The following VAV3 variants were observed in gnomAD, a reference collection of about 807,000 sequenced individuals.
The protein encoded by VAV3 is vav guanine nucleotide exchange factor 3.
Under a neutral mutation model 131.2 loss-of-function variants are expected in VAV3, and 94 were observed. The observed-to-expected ratio is 0.72, with a 90% confidence interval of 0.61 to 0.85. The LOEUF is 0.85. Among genes scored for constraint, VAV3 ranks in the 40% least tolerant of loss-of-function variants. VAV3 has a pLI of 0.00. For missense variants in VAV3, 939 were observed against 1,002.7 expected (o/e 0.94, Z 0.86); for synonymous variants, 349 against 342.0 (o/e 1.02, Z -0.22).
chr1:107,680,816 AACTGCCG>A (rs1476895269), intron 19 of VAV3, among the ~76,000 whole-genome samples: 4 of 152,174 alleles, frequency 2.6e-5, no homozygotes, highest in Non-Finnish European at 5.9e-5. Context: ...AGAGGAGGCA[AACTGCCG>A]AAGTTCAAAC....
chr1:107,594,201 C>T (rs1207967982), intron 25 of VAV3, among the ~76,000 whole-genome samples: 3 of 152,040 alleles, frequency 2.0e-5, no homozygotes, highest in Admixed American at 2.0e-4. Context: ...CCTGACCACT[C>T]TATATAAAAA....
At chr1:107,728,628 TA>T (rs1662018368) in intron 15 of VAV3, among the ~76,000 whole-genome samples, 1 of 148,470 alleles carries the variant, frequency 6.7e-6, no homozygotes, top group Admixed American at 6.7e-5. Flanking sequence ...TGTATATGTA[TA>T]TGTATATGTA....
intron 15 of VAV3, among the ~76,000 whole-genome samples, chr1:107,748,033 G>A (rs1002467617): frequency 6.7e-6 from 1 of 149,180 alleles, no homozygotes; most frequent in Non-Finnish European, 1.5e-5. Context: ...CTCTTAAAAT[G>A]TTAGATAAAA....
intron 1 of VAV3, among the ~76,000 whole-genome samples, chr1:107,885,262 T>C (rs1267974651): frequency 2.6e-5 from 4 of 152,136 alleles, no homozygotes; most frequent in Admixed American, 1.3e-4. Flanking sequence ...TTTTATTTTT[T>C]ATTTTTATTT....
Position 107,755,398 on chromosome 1 carries a change from G to C in VAV3, c.1173+29C>G, listed in dbSNP as rs1228631929. The stretch of plus-strand genomic sequence containing the variant: ...GAATGTCGTTGATGTGGGGGTGAGG[G>C]GAAGCTGGATGGAAAGATAATTACA... On this transcript the variant is annotated intron_variant, in intron 12 of 26. Coordinates refer to ENST00000370056, the MANE Select transcript of VAV3 (RefSeq NM_006113.5). 4 of 1,508,772 alleles carry C rather than the reference G, an allele frequency of 2.7e-6. No homozygotes were observed. In the Admixed American group the frequency reaches 5.0e-5, roughly 19 times the overall value. The allele number at this position is 1,508,772 out of a possible 1,614,324, so 93.5% of individuals were successfully genotyped here.
intron 2 of VAV3, among the ~76,000 whole-genome samples, chr1:107,812,129 A>C (rs1286688238): frequency 6.6e-6 from 1 of 152,188 alleles, no homozygotes; most frequent in Non-Finnish European, 1.5e-5. Flanking sequence ...CAAAAGTTTA[A>C]AGGGAGACAA....
intron 25 of VAV3, among the ~76,000 whole-genome samples, chr1:107,590,658 T>C (rs1380020584): frequency 6.6e-6 from 1 of 152,204 alleles, no homozygotes; most frequent in Middle Eastern, 3.2e-3. Flanking sequence ...ATCTCTTCTG[T>C]TTCCTGGATT....
intron 15 of VAV3, among the ~76,000 whole-genome samples, chr1:107,705,267 C>T (rs1557777585): frequency 6.6e-6 from 1 of 151,596 alleles, no homozygotes; most frequent in Non-Finnish European, 1.5e-5. Flanking sequence ...GAACAAGCAA[C>T]CTGGAAGGAC....
At chr1:107,787,321 G>C (rs1239994156) in intron 2 of VAV3, among the ~76,000 whole-genome samples, 1 of 152,142 alleles carries the variant, frequency 6.6e-6, no homozygotes, top group East Asian at 1.9e-4. Flanking sequence ...GCAAAATGAG[G>C]ATACAATGCT....
At chr1:107,902,061 A>C (rs1671885125) in intron 1 of VAV3, among the ~76,000 whole-genome samples, 1 of 152,060 alleles carries the variant, frequency 6.6e-6, no homozygotes, top group Non-Finnish European at 1.5e-5. Context: ...AAAACAAAAA[A>C]AACAACAACA....
At chr1:107,824,009 G>C (rs773233887) in intron 2 of VAV3, among the ~76,000 whole-genome samples, 1 of 152,098 alleles carries the variant, frequency 6.6e-6, no homozygotes, top group Non-Finnish European at 1.5e-5. Flanking sequence ...ATTTTGTTAC[G>C]GCAGTCCAAA....
intron 15 of VAV3, among the ~76,000 whole-genome samples, chr1:107,717,850 CCATT>C (rs1361584428): frequency 6.6e-6 from 1 of 151,984 alleles, no homozygotes; most frequent in African/African-American, 2.4e-5. Flanking sequence ...TTAAAGTTTC[CCATT>C]ATTATTGTGT....
At chr1:107,954,863 T>A (rs1674732581) in intron 1 of VAV3, among the ~76,000 whole-genome samples, 2 of 152,128 alleles carry the variant, frequency 1.3e-5, no homozygotes, top group Admixed American at 1.3e-4. Flanking sequence ...AATGTTCTTA[T>A]TCTAAGTTTG....
intron 17 of VAV3, among the ~76,000 whole-genome samples, chr1:107,699,457 A>G (rs1695671921): frequency 6.6e-6 from 1 of 152,180 alleles, no homozygotes; most frequent in Admixed American, 6.5e-5. Flanking sequence ...CAGGCTGGCA[A>G]TGAGTGTCTG....
At chr1:107,917,213 G>A (rs17020361) in intron 1 of VAV3, among the ~76,000 whole-genome samples, 8,690 of 152,106 alleles carry the variant, frequency 0.057, 335 homozygotes, top group African/African-American at 0.11. Flanking sequence ...CTGTACTCAA[G>A]CATCAGCAGC....
At chr1:107,672,422 ATAAGT>A (rs1243724640) in intron 19 of VAV3, among the ~76,000 whole-genome samples, 1 of 152,078 alleles carries the variant, frequency 6.6e-6, no homozygotes, top group East Asian at 1.9e-4. Flanking sequence ...TTACTTAAAA[ATAAGT>A]TAAATGGCCA....
chr1:107,885,746 T>C (rs749083807), intron 1 of VAV3, among the ~76,000 whole-genome samples: 1 of 152,152 alleles, frequency 6.6e-6, no homozygotes, highest in Non-Finnish European at 1.5e-5. Context: ...CAACTGGCCC[T>C]ACCTCACATA....
chr1:107,829,906 G>T (rs181877185), intron 2 of VAV3, among the ~76,000 whole-genome samples: 1 of 152,038 alleles, frequency 6.6e-6, no homozygotes, highest in South Asian at 2.1e-4. Context: ...ACAAGCAACC[G>T]AGAGATAAGA....
intron 1 of VAV3, among the ~76,000 whole-genome samples, chr1:107,947,308 A>T (rs1377443111): frequency 6.6e-6 from 1 of 152,234 alleles, no homozygotes; most frequent in Non-Finnish European, 1.5e-5. Context: ...CTTATATTCA[A>T]TGAATCTAAA....
Sources: allele counts gnomAD v4.1 joint callset (sites outside exome capture counted in the v4.1 genomes callset), GRCh38; gene constraint gnomAD v4.1.1; transcripts MANE v1.5; gene names NCBI Gene and HGNC (gene_info 2026-07-23, HGNC 2026-07-21).